LAMA2: variants seen among roughly 807,000 people sequenced by gnomAD.
LAMA2 encodes laminin subunit alpha 2.
LAMA2 carries 269 observed loss-of-function variants against 364.8 expected under a neutral mutation model. The ratio of observed to expected loss-of-function variants is 0.74; its 90% CI spans 0.67 to 0.82. The LOEUF (loss-of-function observed/expected upper bound fraction) is 0.82, where lower values mean the gene tolerates loss of function less well. Among genes scored for constraint, LAMA2 ranks in the 40% least tolerant of loss-of-function variants. The probability of loss-of-function intolerance (pLI) is 0.00; values close to 1 mark genes in which losing one functional copy is unlikely to be tolerated. For synonymous variants in LAMA2, 1,379 were observed against 1,370.6 expected, an observed-to-expected ratio of 1.01 and a Z score of -0.14; for missense variants, 3,807 against 3,873.2, an observed-to-expected ratio of 0.98 and a Z score of 0.45.
chr6:129,501,931 G>A (rs1049013932), intron 58 of LAMA2, among the ~76,000 whole-genome samples: 1 of 152,170 alleles, frequency 6.6e-6, no homozygotes, highest in African/African-American at 2.4e-5. Flanking sequence ...AAAATGCAGG[G>A]CCCCTCACTG....
chr6:129,485,207 A>G (rs1784534951), intron 55 of LAMA2, among the ~76,000 whole-genome samples: 1 of 152,172 alleles, frequency 6.6e-6, no homozygotes. Flanking sequence ...TTCCTTCATC[A>G]TTGCCAGATA....
At chr6:128,982,654 T>C (rs1371659587) in intron 1 of LAMA2, among the ~76,000 whole-genome samples, 8 of 151,766 alleles carry the variant, frequency 5.3e-5, no homozygotes, top group Admixed American at 3.9e-4. Context: ...ATGTGCACAA[T>C]GTGCAGGTTA....
At chr6:129,459,301 T>C (rs1783128358) in intron 48 of LAMA2, among the ~76,000 whole-genome samples, 1 of 152,118 alleles carries the variant, frequency 6.6e-6, no homozygotes, top group South Asian at 2.1e-4. Flanking sequence ...CCATCATATA[T>C]GTGATCTGTC....
At chr6:129,023,437 G>T (rs919595873) in intron 1 of LAMA2, among the ~76,000 whole-genome samples, 1 of 152,000 alleles carries the variant, frequency 6.6e-6, no homozygotes, top group Non-Finnish European at 1.5e-5. Flanking sequence ...GTCTGATTGT[G>T]TACTTGCAAA....
Position 129,486,586 on chromosome 6 carries a change from G to A in LAMA2, c.7862G>A (p.Gly2621Glu). Residue 2621 changes from glycine to glutamate, a missense_variant, in exon 56 of 65, where the codon GGA becomes GAA. Physicochemically the swap from Gly to Glu is moderately conservative, Grantham distance 98. Coordinates refer to ENST00000421865, the MANE Select transcript of LAMA2 (RefSeq NM_000426.4). The part of the protein sequence containing the change: ...IRPEPNLFHD[G>E]REHSVHVERT... ...CCAGAGCCGAATCTGTTTCATGATG[G>A]AAGAGAACATTCCGTTCATGTAGAG... 6.2e-7 allele frequency: 1 copy of A among 1,613,934 alleles called. No individual in the cohort carries two copies. The highest frequency in any genetic ancestry group is 2.2e-5 in the East Asian group (1 of 44,852).
At chr6:129,072,511 T>G (rs1051484687) in intron 3 of LAMA2, among the ~76,000 whole-genome samples, 24 of 152,154 alleles carry the variant, frequency 1.6e-4, no homozygotes, top group African/African-American at 5.8e-4. Flanking sequence ...AATCTGATAA[T>G]CTTTTCCTTT....
At chr6:129,013,173 C>T (rs1164317649) in intron 1 of LAMA2, among the ~76,000 whole-genome samples, 2 of 152,184 alleles carry the variant, frequency 1.3e-5, no homozygotes, top group African/African-American at 2.4e-5. Context: ...TGGTGGCTCA[C>T]GCCTGTAATC....
chr6:129,226,745 C>T (rs1349956252), intron 12 of LAMA2, among the ~76,000 whole-genome samples: 1 of 152,118 alleles, frequency 6.6e-6, no homozygotes, highest in East Asian at 1.9e-4. Flanking sequence ...CCCGACCTTT[C>T]TCTCTGGCTG....
chr6:129,476,307 G>A (rs1784065445), intron 53 of LAMA2, among the ~76,000 whole-genome samples: 1 of 152,158 alleles, frequency 6.6e-6, no homozygotes, highest in Non-Finnish European at 1.5e-5. Flanking sequence ...AATGAAAGTA[G>A]GGAAAAATAA....
chr6:129,322,751 A>G (rs1775047019), intron 28 of LAMA2, among the ~76,000 whole-genome samples: 2 of 152,174 alleles, frequency 1.3e-5, no homozygotes, highest in Admixed American at 1.3e-4. Context: ...TGTTAGTAGA[A>G]TAGCAAATTA....
chr6:129,052,152 T>C (rs951910885), intron 2 of LAMA2, among the ~76,000 whole-genome samples: 7 of 150,820 alleles, frequency 4.6e-5, no homozygotes, highest in Non-Finnish European at 8.9e-5. Context: ...TTTTTTTTTT[T>C]TTAGGCAGAG....
In LAMA2 at chr6:129,393,002, G is replaced by T; in HGVS notation, c.5235-43G>T. ...TAATACCAATAAACCCTAAGGCAGT[G>T]ACATGAGCTCATTGTCTATTATTGG... On this transcript the variant is annotated intron_variant, in intron 36 of 64. Transcript: ENST00000421865. The T allele has an allele frequency of 2.0e-6, 3 of 1,478,922 alleles. No individual in the cohort carries two copies. In the South Asian group the frequency reaches 3.4e-5, roughly 17 times the overall value. The allele number at this position is 1,478,922 out of a possible 1,614,324, so 91.6% of individuals were successfully genotyped here.
intron 4 of LAMA2, among the ~76,000 whole-genome samples, chr6:129,133,280 T>C (rs1777593638): frequency 6.6e-6 from 1 of 152,206 alleles, no homozygotes; most frequent in Non-Finnish European, 1.5e-5. Context: ...TTTAGAGTAA[T>C]TGAACACATG....
rs1401723054 is a variant in LAMA2 at position 128,908,522 on chromosome 6, CT to C, written c.112+25166del. On this transcript the variant is annotated intron_variant, in intron 1 of 64. Transcript: ENST00000421865. ...TTTATTGCGTCTATTTGATTCTTCT[CT>C]CTTTTTTTCTTTATTAGTCTTGCTA... Among the ~76,000 whole-genome samples, 739 of 146,186 alleles carry C rather than the reference CT, an allele frequency of 5.1e-3. 7 individuals carry two copies. The highest frequency in any genetic ancestry group is 0.018 in the African/African-American group (705 of 39,210).
chr6:129,304,256 T>TTTTTTTG (rs754132516), intron 22 of LAMA2, among the ~76,000 whole-genome samples: 89 of 152,174 alleles, frequency 5.8e-4, no homozygotes, highest in African/African-American at 1.9e-3. Context: ...GTGTTCCAAG[T>TTTTTTTG]TTTTTTGTTT....
At chr6:129,434,268 T>C (rs1781734661) in intron 41 of LAMA2, among the ~76,000 whole-genome samples, 1 of 152,198 alleles carries the variant, frequency 6.6e-6, no homozygotes, top group East Asian at 1.9e-4. Context: ...AAAATTACAC[T>C]GTCATTGTGT....
intron 1 of LAMA2, among the ~76,000 whole-genome samples, chr6:128,920,767 T>C (rs1778657240): frequency 6.6e-6 from 1 of 151,752 alleles, no homozygotes; most frequent in Non-Finnish European, 1.5e-5. Context: ...AACAAATTCA[T>C]GAGACAAAAT....
chr6:129,198,668 T>C (rs1454451271), intron 12 of LAMA2, among the ~76,000 whole-genome samples: 3 of 152,082 alleles, frequency 2.0e-5, no homozygotes, highest in Admixed American at 2.0e-4. Context: ...AAAATGGGCA[T>C]AACTGCAATT....
Position 129,250,153 on chromosome 6 carries a change from T to C in LAMA2, c.1824T>C (p.Tyr608=). 1 of 1,610,410 alleles carries C rather than the reference T, an allele frequency of 6.2e-7. No individual in the cohort carries two copies. Among genetic ancestry groups the C allele is most frequent in the South Asian group, 1.1e-5 (1 of 91,002 alleles). The change falls in exon 13 of 65, where the codon TAT becomes TAC. Residue 608 remains tyrosine, a synonymous_variant. Transcript: ENST00000421865. ...GACAGTTGACATTTACCATATCATA[T>C]GACCTTGAAGAAGAGGAAGAAGATA... ...VGGQLTFTIS[Y]DLEEEEEDTE... is the part of the protein sequence containing the mutation.
Sources: gnomAD v4.1 joint callset for allele counts (sites outside exome capture counted in the v4.1 genomes callset) on GRCh38, gnomAD v4.1.1 for gene constraint, MANE v1.5 for transcripts, NCBI Gene and HGNC (gene_info 2026-07-23, HGNC 2026-07-21) for gene names.